The following IGSF22 variants were observed in gnomAD, a reference collection of about 807,000 sequenced individuals.
The protein encoded by IGSF22 is immunoglobulin superfamily member 22, also known as immunoglobulin superfamily, member 22.
IGSF22 carries 119 observed loss-of-function variants against 127.0 expected under a neutral mutation model. The observed-to-expected ratio is 0.94, with a 90% confidence interval of 0.81 to 1.09. IGSF22 has a LOEUF of 1.09. Ranked by LOEUF, IGSF22 falls within the 50% of genes least tolerant of loss-of-function variation. The pLI, the probability that IGSF22 is intolerant of heterozygous loss-of-function variation, is 0.00. For synonymous variants in IGSF22, 568 were observed against 664.7 expected (o/e 0.85, Z 2.24); for missense variants, 1,518 against 1,716.6 (o/e 0.88, Z 2.04).
At chr11:18,708,105 G>C (rs1848280930) in intron 19 of IGSF22, 102 bp downstream of exon 19, 1 of 1,526,900 alleles carries the variant, frequency 6.5e-7, no homozygotes, top group African/African-American at 1.4e-5. Flanking sequence ...TAGGGGTCTG[G>C]TGAGGGGCAG....
intron 10 of IGSF22, 119 bp from the exon 11 acceptor site, chr11:18,715,835 T>G: frequency 9.0e-7 from 1 of 1,111,776 alleles, no homozygotes; most frequent in Non-Finnish European, 1.3e-6. Context: ...CTTGTGATGC[T>G]GAATGTGTTT....
At position 18,716,855 on chromosome 11, in the gene IGSF22, A is replaced by G; in HGVS notation, c.1119T>C (p.Tyr373=). Residue 373 remains tyrosine (Y), a synonymous_variant, in exon 10 of 23, where the codon TAT becomes TAC. Coordinates refer to ENST00000513874, the MANE Select transcript of IGSF22 (RefSeq NM_173588.4). This position sits in a 1 kb window ranked among gnomAD's most constrained non-coding sequence, Gnocchi z 4.5. The part of the protein sequence containing the change: ...NGKELKRDDK[Y]EITVSEDGLT... ...GACCATCTTCGGACACCGTGATTTC[A>G]TACTTGTCATCCCTCTTCAGCTCCT... is the stretch of plus-strand genomic sequence containing the variant. 2 of 1,614,178 alleles carry G rather than the reference A, an allele frequency of 1.2e-6. No individual in the cohort carries two copies. The highest frequency in any genetic ancestry group is 1.7e-6 in the Non-Finnish European group (2 of 1,180,038).
chr11:18,706,780 G>C, intron 21 of IGSF22, 134 bp downstream of exon 21: 1 of 686,440 alleles, frequency 1.5e-6, no homozygotes, highest in Non-Finnish European at 2.3e-6. Context: ...TCTCCGCAGC[G>C]TCCCAGATAT....
rs1848460714 is a variant in IGSF22, at chr11:18,716,197, G to A, written c.1247-481C>T. On this transcript the variant is annotated intron_variant, in intron 10 of 22. Transcript: ENST00000513874. This position sits in a 1 kb window ranked among gnomAD's most constrained non-coding sequence, Gnocchi z 4.5. Reference sequence around the variant, plus strand: ...TCCTTTTAGTTCTTGGTAAAGCTCGGACATCATTTCATTATATCATTTCTG... The same window carrying A: ...TCCTTTTAGTTCTTGGTAAAGCTCGAACATCATTTCATTATATCATTTCTG... Among the ~76,000 whole-genome samples the A allele has an allele frequency of 6.6e-6, 1 of 152,034 alleles. No homozygotes were observed. Among genetic ancestry groups the A allele is most frequent in the South Asian group, 2.1e-4 (1 of 4,824 alleles).
At chr11:18,710,235 C>T (rs1377812028) in intron 17 of IGSF22, 92 bp downstream of exon 17, 5 of 1,524,000 alleles carry the variant, frequency 3.3e-6, no homozygotes, top group Admixed American at 1.7e-5. Context: ...ACTGTGATAC[C>T]TCGTGTCATA....
At chr11:18,717,871 C>G (rs72880745) in intron 9 of IGSF22, 60 bp downstream of exon 9, 38 of 1,569,564 alleles carry the variant, frequency 2.4e-5, no homozygotes, top group Non-Finnish European at 3.2e-5. Flanking sequence ...CCAACCCTGG[C>G]CATTCCTCTC....
rs1403625508 is a variant in IGSF22 at position 18,716,360 on chromosome 11, T to C, written c.1246+368A>G. On this transcript the variant is annotated intron_variant, in intron 10 of 22. Coordinates refer to ENST00000513874, the MANE Select transcript of IGSF22 (RefSeq NM_173588.4). This position sits in a 1 kb window ranked among gnomAD's most constrained non-coding sequence, Gnocchi z 4.5. ...CATGCTCATTGGTGTACCTACATTA[T>C]GTGCGAACTCCCAAAGTAGTTGTGA... 6.6e-6 allele frequency among the ~76,000 whole-genome samples: 1 copy of C among 152,182 alleles called. No homozygotes were observed. The highest frequency in any genetic ancestry group is 2.4e-5 in the African/African-American group (1 of 41,426).
intron 21 of IGSF22, 65 bp downstream of exon 21, chr11:18,706,849 A>C: frequency 7.8e-7 from 1 of 1,278,664 alleles, no homozygotes; most frequent in Non-Finnish European, 1.1e-6. Flanking sequence ...ACCCTTTGGG[A>C]CCCTTATGTC....
chr11:18,720,008 G>C (rs1293751046), intron 6 of IGSF22, 56 bp downstream of exon 6: 1 of 1,611,568 alleles, frequency 6.2e-7, no homozygotes, highest in Non-Finnish European at 8.5e-7. Flanking sequence ...GCCTTTGAGA[G>C]GCTTTGGCCT....
intron 15 of IGSF22, among the ~76,000 whole-genome samples, chr11:18,711,873 G>C (rs1848363157): frequency 6.6e-6 from 1 of 152,180 alleles, no homozygotes. Context: ...TATACCCATG[G>C]GAGTGTGTTG....
rs1848254827 is a variant in IGSF22 at position 18,707,175 on chromosome 11, C to T, written c.3319G>A (p.Glu1107Lys). 3.9e-6 allele frequency: 6 copies of T among 1,546,360 alleles called. No homozygotes were observed. Among genetic ancestry groups the T allele is most frequent in the Non-Finnish European group, 4.4e-6 (5 of 1,143,940 alleles). ...RPPTNLRLFEEVPNTVTLTWN... is the reference protein window; with the variant it reads ...RPPTNLRLFEKVPNTVTLTWN... ...GTCAGAGTCACTGTGTTGGGGACTTCCTCAAACAACCGTAGGTTTGTGGGG... is the reference window on the plus strand; with the variant it reads ...GTCAGAGTCACTGTGTTGGGGACTTTCTCAAACAACCGTAGGTTTGTGGGG... The change falls in exon 21 of 23, where the codon GAA becomes AAA. Residue 1107 changes from glutamate to lysine, a missense_variant. By Grantham distance (56) the Glu-to-Lys change is moderately conservative (BLOSUM62 1). This residue lies in a region of IGSF22 where 1,456 missense variants were observed against 1,644.9 expected (regional missense o/e 0.89). Transcript: ENST00000513874.
At chr11:18,719,156 T>G (rs1288024881) in intron 7 of IGSF22, among the ~76,000 whole-genome samples, 4 of 152,158 alleles carry the variant, frequency 2.6e-5, no homozygotes, top group Non-Finnish European at 5.9e-5. Flanking sequence ...GTTTGTTTGT[T>G]TGTTTTGAGA....
In IGSF22 at chr11:18,706,968, C is replaced by T. The variant is rs1564866759; in HGVS notation, c.3526G>A (p.Gly1176Ser). ...YFRVVARNEI[G>S]DSEPLDSRDT... ...CTGGAGTCAAGTGGCTCACTGTCAC[C>T]GATTTCATTCCGAGCCACCACTCTG... The change falls in exon 21 of 23, where the codon GGT (glycine) becomes AGT (serine). Residue 1176 changes from glycine to serine, a missense_variant. By Grantham distance (56) the Gly-to-Ser change is moderately conservative. Transcript: ENST00000513874. 4 of 1,541,526 alleles carry T rather than the reference C, an allele frequency of 2.6e-6. No homozygotes were observed. The highest frequency in any genetic ancestry group is 1.8e-6 in the Non-Finnish European group (2 of 1,141,210).
At chr11:18,717,081 AC>A in intron 9 of IGSF22, 81 bp from the exon 10 acceptor site, 1 of 1,488,110 alleles carries the variant, frequency 6.7e-7, no homozygotes, top group South Asian at 1.2e-5. Context: ...CTCACATGTC[AC>A]TGGCCTCCTG....
Position 18,711,546 on chromosome 11 carries a change from C to T in IGSF22, c.2398+536G>A, listed in dbSNP as rs141193958. ...CCGAGTAGCCAGGATGACAGGAGCCCGCCACCACACCCAGCTAATTTTTGT... is the reference window on the plus strand; with the variant it reads ...CCGAGTAGCCAGGATGACAGGAGCCTGCCACCACACCCAGCTAATTTTTGT... On this transcript the variant is annotated intron_variant, in intron 15 of 22. Transcript: ENST00000513874. Among the ~76,000 whole-genome samples, 988 of 152,142 alleles carry T rather than the reference C, an allele frequency of 6.5e-3. 8 individuals are homozygous for T. The highest frequency in any genetic ancestry group is 0.023 in the African/African-American group (935 of 41,482).
chr11:18,709,482 C>T lies in IGSF22; in HGVS notation c.2903G>A (p.Arg968Lys), dbSNP rs1848310789. Residue 968 changes from arginine to lysine, a missense_variant, in exon 18 of 23, where the codon AGG becomes AAG. By Grantham distance (26) the Arg-to-Lys change is conservative (BLOSUM62 2). This residue lies in a region of IGSF22 where 1,456 missense variants were observed against 1,644.9 expected (regional missense o/e 0.89). Transcript: ENST00000513874. The surrounding 1 kb of genome is among the most constrained non-coding windows in gnomAD (Gnocchi z 4.8). ...CCGGATTCGGAAGAAGTATTTCTGCCTCTCGATGAGTCCTCCCACTGTGTA... is the reference window on the plus strand; with the variant it reads ...CCGGATTCGGAAGAAGTATTTCTGCTTCTCGATGAGTCCTCCCACTGTGTA... ...TCYTVGGLIE[R>K]QKYFFRIRAV... is the part of the protein sequence containing the mutation. 1 of 1,614,220 alleles carries T rather than the reference C, an allele frequency of 6.2e-7. No individual in the cohort carries two copies. Among genetic ancestry groups the T allele is most frequent in the Non-Finnish European group, 8.5e-7 (1 of 1,180,048 alleles).
At chr11:18,723,050 G>A (rs1848599841) in intron 2 of IGSF22, among the ~76,000 whole-genome samples, 2 of 152,274 alleles carry the variant, frequency 1.3e-5, no homozygotes. Flanking sequence ...GCAACAGTCA[G>A]TGGGAGGTGA....
At position 18,706,227 on chromosome 11, in the gene IGSF22, C is replaced by G. The variant is rs528269837; in HGVS notation, c.3581-81G>C. 83 of 1,330,864 alleles carry G rather than the reference C, an allele frequency of 6.2e-5. No individual in the cohort carries two copies. The African/African-American group carries it at 1.1e-3, about 18-fold the overall frequency. 82.4% of individuals were successfully genotyped at this position (1,330,864 alleles called of 1,614,324 possible). ...CCCACGTCTTACAGTTCAGCTTACA[C>G]GGAACCCCGAGGACCTAGGCCACAT... On this transcript the variant is annotated intron_variant, in intron 21 of 22. Coordinates refer to ENST00000513874, the MANE Select transcript of IGSF22 (RefSeq NM_173588.4).
chr11:18,720,992 C>T (rs1458613475), intron 4 of IGSF22, among the ~76,000 whole-genome samples: 1 of 152,194 alleles, frequency 6.6e-6, no homozygotes, highest in African/African-American at 2.4e-5. Context: ...TCCATCCCTC[C>T]CTTTCCTCGA....
Sources: gnomAD v4.1 joint callset for allele counts (sites outside exome capture counted in the v4.1 genomes callset) on GRCh38, gnomAD v4.1.1 for gene constraint, gnomAD v4.1.1 regional missense constraint, Gnocchi (gnomAD v3.1) non-coding constraint, MANE v1.5 for transcripts, NCBI Gene and HGNC (gene_info 2026-07-23, HGNC 2026-07-21) for gene names.